Variants in RNGTT observed in about 807,000 individuals in gnomAD.
RNGTT encodes mRNA-capping enzyme.
Under a neutral mutation model 79.3 loss-of-function variants are expected in RNGTT, and 33 were observed. The ratio of observed to expected loss-of-function variants is 0.42; its 90% CI spans 0.32 to 0.56. The LOEUF (loss-of-function observed/expected upper bound fraction) is 0.56, where lower values mean the gene tolerates loss of function less well. Among genes scored for constraint, RNGTT ranks in the 20% least tolerant of loss-of-function variants. The probability of loss-of-function intolerance (pLI) is 0.17; values close to 1 mark genes in which losing one functional copy is unlikely to be tolerated. For missense variants in RNGTT, 497 were observed against 739.1 expected (o/e 0.67, Z 3.80); for synonymous variants, 222 against 235.9 (o/e 0.94, Z 0.54).
intron 13 of RNGTT, among the ~76,000 whole-genome samples, chr6:88,682,404 A>G (rs1775123804): frequency 6.6e-6 from 1 of 152,168 alleles, no homozygotes; most frequent in Admixed American, 6.6e-5. Flanking sequence ...CAATACATCT[A>G]CTATTAGAAA....
chr6:88,792,702 T>C (rs1779464134), intron 12 of RNGTT, among the ~76,000 whole-genome samples: 1 of 152,172 alleles, frequency 6.6e-6, no homozygotes. Context: ...GAAAGTGGAA[T>C]ACATAAGACC....
At chr6:88,931,024 T>A (rs1385314602) in intron 2 of RNGTT, among the ~76,000 whole-genome samples, 1 of 152,090 alleles carries the variant, frequency 6.6e-6, no homozygotes, top group Non-Finnish European at 1.5e-5. Context: ...ATTTGCATTA[T>A]ACTTACAGGT....
chr6:88,744,465 T>C (rs770097041), intron 13 of RNGTT, among the ~76,000 whole-genome samples: 1 of 152,144 alleles, frequency 6.6e-6, no homozygotes, highest in Non-Finnish European at 1.5e-5. Context: ...TTTCACCATG[T>C]TGGCCAAGAT....
At position 88,929,228 on chromosome 6, in the gene RNGTT, T is replaced by C. The variant is rs1348738416; in HGVS notation, c.214A>G (p.Arg72Gly). The C allele has an allele frequency of 6.2e-7, 1 of 1,609,878 alleles. No homozygotes were observed. The highest frequency in any genetic ancestry group is 8.5e-7 in the Non-Finnish European group (1 of 1,178,172). The change falls in exon 3 of 16, where the codon AGG becomes GGG. Residue 72 changes from arginine to glycine, a missense_variant. Arg to Gly is a moderately radical substitution (Grantham distance 125). Coordinates refer to ENST00000369485, the MANE Select transcript of RNGTT (RefSeq NM_003800.5). ...TCTATGTCATTTCGGTCATAGAACC[T>C]TGAAGTATTTGTCAGGTCCACCAAC... is the stretch of plus-strand genomic sequence containing the variant. ...GLLVDLTNTSRFYDRNDIEKE... is the reference protein window; with the variant it reads ...GLLVDLTNTSGFYDRNDIEKE...
At chr6:88,951,949 C>T (rs1361328999) in intron 1 of RNGTT, among the ~76,000 whole-genome samples, 17 of 152,166 alleles carry the variant, frequency 1.1e-4, no homozygotes, top group Admixed American at 1.1e-3. Context: ...ACGGGAACTG[C>T]TGCAGATATG....
intron 13 of RNGTT, among the ~76,000 whole-genome samples, chr6:88,711,602 G>A (rs1294272497): frequency 6.6e-6 from 1 of 152,146 alleles, no homozygotes; most frequent in African/African-American, 2.4e-5. Context: ...ATATTAACTT[G>A]CTACATCTTA....
intron 13 of RNGTT, among the ~76,000 whole-genome samples, chr6:88,685,567 A>G (rs1775245612): frequency 6.6e-6 from 1 of 151,216 alleles, no homozygotes; most frequent in African/African-American, 2.4e-5. Flanking sequence ...AAAAGGAGGA[A>G]AGAGGGAAGG....
chr6:88,791,637 T>C (rs1562254862), intron 12 of RNGTT, among the ~76,000 whole-genome samples: 1 of 152,174 alleles, frequency 6.6e-6, no homozygotes, highest in Non-Finnish European at 1.5e-5. Flanking sequence ...CCTCCTGGGT[T>C]AACGCCATTC....
At chr6:88,880,299 A>C (rs188223941) in intron 8 of RNGTT, among the ~76,000 whole-genome samples, 2 of 152,214 alleles carry the variant, frequency 1.3e-5, no homozygotes, top group African/African-American at 4.8e-5. Flanking sequence ...ATTTCCTTCA[A>C]GAAGTATTAT....
At chr6:88,716,359 A>G (rs1478512034) in intron 13 of RNGTT, among the ~76,000 whole-genome samples, 1 of 152,054 alleles carries the variant, frequency 6.6e-6, no homozygotes, top group East Asian at 1.9e-4. Context: ...ACACTTTTAC[A>G]CTGTTGGTGG....
At chr6:88,745,789 G>C (rs574886380) in intron 13 of RNGTT, among the ~76,000 whole-genome samples, 1 of 151,566 alleles carries the variant, frequency 6.6e-6, no homozygotes, top group South Asian at 2.1e-4. Flanking sequence ...AGAAAAAAAG[G>C]CTAGATTCTT....
At chr6:88,902,999 A>G (rs955328272) in intron 6 of RNGTT, among the ~76,000 whole-genome samples, 2 of 152,060 alleles carry the variant, frequency 1.3e-5, no homozygotes, top group Non-Finnish European at 2.9e-5. Context: ...TGGCCATGAA[A>G]TCTTGAGTAA....
At chr6:88,617,086 A>G (rs993978813) in intron 14 of RNGTT, among the ~76,000 whole-genome samples, 7 of 152,118 alleles carry the variant, frequency 4.6e-5, no homozygotes, top group Non-Finnish European at 8.8e-5. Flanking sequence ...TGGCTAACAC[A>G]GTGAAACCCT....
intron 13 of RNGTT, among the ~76,000 whole-genome samples, chr6:88,725,842 A>G (rs1489406761): frequency 2.0e-5 from 3 of 152,192 alleles, no homozygotes; most frequent in East Asian, 1.9e-4. Context: ...AGGGGAGAAC[A>G]GCAGCATAAG....
At chr6:88,621,428 G>A (rs936800965) in intron 14 of RNGTT, among the ~76,000 whole-genome samples, 1 of 152,124 alleles carries the variant, frequency 6.6e-6, no homozygotes, top group Admixed American at 6.6e-5. Flanking sequence ...TTGTACTGTT[G>A]ATAGCTGGTT....
At chr6:88,663,284 G>A (rs1257147714) in intron 14 of RNGTT, among the ~76,000 whole-genome samples, 1 of 152,132 alleles carries the variant, frequency 6.6e-6, no homozygotes, top group Non-Finnish European at 1.5e-5. Context: ...ATGACACCTG[G>A]AAAGCTTAAG....
chr6:88,954,363 A>C (rs556699565), intron 1 of RNGTT, among the ~76,000 whole-genome samples: 2 of 152,336 alleles, frequency 1.3e-5, no homozygotes, highest in East Asian at 3.9e-4. Context: ...ACAAACTTTA[A>C]AGGAATAACA....
chr6:88,790,815 A>G (rs1309183706), intron 12 of RNGTT, among the ~76,000 whole-genome samples: 1 of 152,230 alleles, frequency 6.6e-6, no homozygotes, highest in Non-Finnish European at 1.5e-5. Context: ...TTTTACTTAA[A>G]AAGTTCTTGG....
At chr6:88,647,715 A>AAAAAGAAAAAAAAAAAAAAAAAAAG (rs531898293) in intron 14 of RNGTT, among the ~76,000 whole-genome samples, 2 of 142,446 alleles carry the variant, frequency 1.4e-5, no homozygotes, top group African/African-American at 6.0e-5. Flanking sequence ...AAAAAAAAAA[A>AAAAAGAAAAAAAAAAAAAAAAAAAG]AAGAAGAAGA....
Sources: allele counts gnomAD v4.1 joint callset (sites outside exome capture counted in the v4.1 genomes callset), GRCh38; gene constraint gnomAD v4.1.1; transcripts MANE v1.5; gene names NCBI Gene and HGNC (gene_info 2026-07-23, HGNC 2026-07-21).